UMAD1: variants seen among roughly 807,000 people sequenced by gnomAD.
The protein encoded by UMAD1 is UBAP1-MVB12-associated (UMA) domain containing 1.
Under a neutral mutation model 6.1 loss-of-function variants are expected in UMAD1, and 8 were observed. The ratio of observed to expected loss-of-function variants is 1.30; its 90% CI spans 0.76 to 2.35. The LOEUF is 2.35. Ranked by LOEUF, UMAD1 falls within the 30% of genes most tolerant of loss-of-function variation. The pLI is 0.00. For synonymous variants in UMAD1, 56 were observed against 31.4 expected (o/e 1.78, Z -2.61); for missense variants, 130 against 78.4 (o/e 1.66, Z -2.49).
intron 2 of UMAD1, among the ~76,000 whole-genome samples, chr7:7,690,325 A>G (rs767162023): frequency 2.1e-4 from 32 of 152,116 alleles, no homozygotes; most frequent in Non-Finnish European, 4.3e-4. Context: ...ATTGAAGTGT[A>G]TATGTTTCCT....
At position 7,878,858 on chromosome 7, in the gene UMAD1, A is replaced by G. The variant is rs1297031149; in HGVS notation, c.*1320A>G. The G allele has an allele frequency of 2.0e-5, 3 of 152,226 alleles. No homozygotes were observed. The highest frequency in any genetic ancestry group is 4.4e-5 in the Non-Finnish European group (3 of 68,020). 9.4% of individuals were successfully genotyped at this position (152,226 alleles called of 1,614,324 possible). On this transcript the variant is annotated 3_prime_UTR_variant, in exon 4 of 4. Transcript: ENST00000682710. ...ATTTCTATTGACAAAAATATGCTTC[A>G]TTTACATATAATGTTACCATATGGT...
chr7:7,800,665 A>G (rs145089383), intron 2 of UMAD1, among the ~76,000 whole-genome samples: 21 of 152,198 alleles, frequency 1.4e-4, no homozygotes, highest in Non-Finnish European at 2.5e-4. Flanking sequence ...ATCCTTCACA[A>G]TTTTCATGAG....
chr7:7,769,986 C>T (rs1782069010), intron 2 of UMAD1, among the ~76,000 whole-genome samples: 1 of 152,202 alleles, frequency 6.6e-6, no homozygotes, highest in Non-Finnish European at 1.5e-5. Flanking sequence ...CCAGCCTCAG[C>T]TCAGTGCTCA....
intron 2 of UMAD1, chr7:7,685,962 G>A (rs1005623041): frequency 6.6e-6 from 1 of 152,144 alleles, no homozygotes; most frequent in African/African-American, 2.4e-5. Flanking sequence ...CTCCTGCTTG[G>A]TTAGGGATGC....
intron 2 of UMAD1, chr7:7,742,414 G>A (rs1781489692): frequency 3.4e-6 from 2 of 580,312 alleles, no homozygotes; most frequent in South Asian, 2.7e-5. Flanking sequence ...GCTGCTGGAA[G>A]GTGGGTGACG....
At chr7:7,711,370 C>T (rs1006809233) in intron 2 of UMAD1, among the ~76,000 whole-genome samples, 5 of 152,300 alleles carry the variant, frequency 3.3e-5, no homozygotes, top group African/African-American at 7.2e-5. Context: ...GGAGGAATTA[C>T]AGGCTATGCA....
In UMAD1 at chr7:7,779,743, C is replaced by G. The variant is rs188999982; in HGVS notation, c.83-21927C>G. Among the ~76,000 whole-genome samples the G allele has an allele frequency of 4.0e-3, 606 of 152,256 alleles. 13 individuals are homozygous for G. Among genetic ancestry groups the G allele is most frequent in the Admixed American group, 0.037 (561 of 15,292 alleles). ...CACTGCAACCTCCACCTCCTGTGCT[C>G]AAGGGATCTTCCCACCTCAGCCTCT... is the stretch of plus-strand genomic sequence containing the variant. On this transcript the variant is annotated intron_variant, in intron 2 of 3. Transcript: ENST00000682710.
intron 2 of UMAD1, among the ~76,000 whole-genome samples, chr7:7,767,200 C>T (rs1782005770): frequency 6.7e-6 from 1 of 148,270 alleles, no homozygotes; most frequent in East Asian, 2.0e-4. Flanking sequence ...TCTCGCCTCA[C>T]TGCAAGCTCC....
chr7:7,773,587 A>G (rs974580186), intron 2 of UMAD1, among the ~76,000 whole-genome samples: 3 of 152,232 alleles, frequency 2.0e-5, no homozygotes, highest in African/African-American at 7.2e-5. Flanking sequence ...AAAACCAAAC[A>G]GGAACCTATT....
chr7:7,644,354 C>CTT (rs35141799), intron 1 of UMAD1, among the ~76,000 whole-genome samples: 43,972 of 141,686 alleles, frequency 0.31, 7,812 homozygotes, highest in African/African-American at 0.49. Flanking sequence ...TCATTCCATC[C>CTT]TTTTTTTTTT....
chr7:7,799,848 A>T (rs966395465), intron 2 of UMAD1, among the ~76,000 whole-genome samples: 22 of 152,192 alleles, frequency 1.4e-4, no homozygotes, highest in African/African-American at 5.3e-4. Context: ...CGTATGCTCA[A>T]ATATAATTTT....
intron 2 of UMAD1, among the ~76,000 whole-genome samples, chr7:7,703,030 C>T (rs1453820826): frequency 6.6e-6 from 1 of 152,196 alleles, no homozygotes; most frequent in African/African-American, 2.4e-5. Flanking sequence ...AGGAGAATGC[C>T]TTCAGCTAGT....
At chr7:7,821,365 C>G (rs564339485) in intron 3 of UMAD1, among the ~76,000 whole-genome samples, 3 of 152,008 alleles carry the variant, frequency 2.0e-5, no homozygotes, top group African/African-American at 4.8e-5. Context: ...TTACATGTTG[C>G]CATGATAATG....
intron 2 of UMAD1, among the ~76,000 whole-genome samples, chr7:7,734,682 A>G (rs566284038): frequency 6.6e-6 from 1 of 152,332 alleles, no homozygotes; most frequent in East Asian, 1.9e-4. Context: ...CTAAATGCCT[A>G]TCCTCAAAGG....
intron 2 of UMAD1, among the ~76,000 whole-genome samples, chr7:7,776,523 T>G (rs1395804867): frequency 6.6e-6 from 1 of 152,178 alleles, no homozygotes; most frequent in Non-Finnish European, 1.5e-5. Flanking sequence ...TTCAGTGTTG[T>G]TTTTGCAATT....
At chr7:7,692,929 A>G (rs1369916991) in intron 2 of UMAD1, among the ~76,000 whole-genome samples, 1 of 152,170 alleles carries the variant, frequency 6.6e-6, no homozygotes, top group Non-Finnish European at 1.5e-5. Flanking sequence ...TTAAAATGGT[A>G]TATTTCATGT....
intron 2 of UMAD1, among the ~76,000 whole-genome samples, chr7:7,703,442 T>C (rs1187329447): frequency 6.6e-6 from 1 of 152,226 alleles, no homozygotes; most frequent in Non-Finnish European, 1.5e-5. Context: ...ATTTCTTATT[T>C]ATTAAATAAA....
intron 2 of UMAD1, among the ~76,000 whole-genome samples, chr7:7,757,951 G>T (rs1781810310): frequency 6.6e-6 from 1 of 152,146 alleles, no homozygotes; most frequent in Non-Finnish European, 1.5e-5. Context: ...TGGAAGTTTT[G>T]GGGTAGGGGT....
At chr7:7,747,530 G>A (rs1002423575) in intron 2 of UMAD1, among the ~76,000 whole-genome samples, 20 of 152,262 alleles carry the variant, frequency 1.3e-4, no homozygotes, top group African/African-American at 3.1e-4. Flanking sequence ...GTCAGAAAGC[G>A]TCAAATCTTA....
Sources: allele counts gnomAD v4.1 joint callset (sites outside exome capture counted in the v4.1 genomes callset), GRCh38; gene constraint gnomAD v4.1.1; transcripts MANE v1.5; gene names NCBI Gene and HGNC (gene_info 2026-07-23, HGNC 2026-07-21).